SHANK2: variants seen among roughly 807,000 people sequenced by gnomAD.
SHANK2 encodes the protein SH3 and multiple ankyrin repeat domains 2.
Under a neutral mutation model 133.7 loss-of-function variants are expected in SHANK2, and 43 were observed. That is an observed-to-expected ratio of 0.32 (90% confidence interval 0.25 to 0.41). The LOEUF (loss-of-function observed/expected upper bound fraction) is 0.41, where lower values mean the gene tolerates loss of function less well. Among genes scored for constraint, SHANK2 ranks in the 10% least tolerant of loss-of-function variants. The pLI is 1.00. For missense variants in SHANK2, 1,994 were observed against 2,235.8 expected, an observed-to-expected ratio of 0.89 and a Z score of 2.18; for synonymous variants, 1,017 against 952.8, an observed-to-expected ratio of 1.07 and a Z score of -1.24.
At chr11:70,526,336 C>CCT in intron 17 of SHANK2, among the ~76,000 whole-genome samples, 1 of 152,334 alleles carries the variant, frequency 6.6e-6, no homozygotes, top group East Asian at 1.9e-4. Flanking sequence ...AGACTGATTT[C>CCT]AGTGACTTTC....
chr11:71,098,150 T>C (rs1951657231), intron 6 of SHANK2, among the ~76,000 whole-genome samples: 1 of 150,422 alleles, frequency 6.6e-6, no homozygotes. Flanking sequence ...TGTGCATGCA[T>C]GCCTGTGTGC....
chr11:70,585,794 T>C (rs765888661), intron 17 of SHANK2, among the ~76,000 whole-genome samples: 2 of 144,420 alleles, frequency 1.4e-5, no homozygotes, highest in Non-Finnish European at 3.0e-5. Flanking sequence ...ATCCATCCAC[T>C]TAACTACCCA....
intron 2 of SHANK2, among the ~76,000 whole-genome samples, chr11:71,202,622 G>A (rs534624291): frequency 7.2e-5 from 11 of 152,286 alleles, no homozygotes; most frequent in South Asian, 2.1e-4. Context: ...ATGACCCACC[G>A]GGAAAGCAGC....
chr11:71,246,251 C>CGGGAG (rs1555124962), intron 1 of SHANK2, among the ~76,000 whole-genome samples: 1 of 152,112 alleles, frequency 6.6e-6, no homozygotes, highest in East Asian at 1.9e-4. Flanking sequence ...AGGACCCACC[C>CGGGAG]CAGTGGACCA....
intron 13 of SHANK2, among the ~76,000 whole-genome samples, chr11:70,802,949 T>C (rs1555050858): frequency 6.6e-6 from 1 of 152,156 alleles, no homozygotes; most frequent in Admixed American, 6.5e-5. Flanking sequence ...ACCCCTAAAA[T>C]GACCACGCTC....
chr11:71,086,026 A>G (rs1157248763), intron 8 of SHANK2, among the ~76,000 whole-genome samples: 1 of 86,178 alleles, frequency 1.2e-5, no homozygotes, highest in Non-Finnish European at 2.0e-5. Flanking sequence ...AACATATTAT[A>G]TGTTATATAT....
intron 17 of SHANK2, among the ~76,000 whole-genome samples, chr11:70,621,983 T>A (rs1181337861): frequency 6.6e-6 from 1 of 152,044 alleles, no homozygotes. Context: ...CCCGGCTCTG[T>A]CCACACGGTG....
At chr11:71,152,720 G>A (rs1952821642) in intron 2 of SHANK2, among the ~76,000 whole-genome samples, 1 of 152,168 alleles carries the variant, frequency 6.6e-6, no homozygotes, top group African/African-American at 2.4e-5. Context: ...GGTGAGCAGA[G>A]AGGAGGAGAA....
intron 21 of SHANK2, among the ~76,000 whole-genome samples, chr11:70,497,542 G>A (rs1565539118): frequency 6.6e-6 from 1 of 152,210 alleles, no homozygotes; most frequent in Non-Finnish European, 1.5e-5. Context: ...CTGAGCAAAC[G>A]TGTGTTCTCT....
At chr11:70,476,375 G>A (rs2058663948) in intron 25 of SHANK2, among the ~76,000 whole-genome samples, 1 of 148,338 alleles carries the variant, frequency 6.7e-6, no homozygotes, top group Non-Finnish European at 1.5e-5. Flanking sequence ...ATGGACATAG[G>A]ATACACGAAA....
chr11:70,753,201 A>G (rs553287277), intron 14 of SHANK2, among the ~76,000 whole-genome samples: 1 of 152,182 alleles, frequency 6.6e-6, no homozygotes, highest in African/African-American at 2.4e-5. Flanking sequence ...AAACAAACAA[A>G]AAAAAACAAA....
intron 10 of SHANK2, among the ~76,000 whole-genome samples, chr11:70,947,470 A>C (rs1950764964): frequency 6.7e-6 from 1 of 149,446 alleles, no homozygotes; most frequent in South Asian, 2.1e-4. Context: ...CTTCTGCCTC[A>C]GCCTCCCGAG....
At chr11:71,099,149 A>G (rs1951676333) in intron 6 of SHANK2, among the ~76,000 whole-genome samples, 1 of 152,128 alleles carries the variant, frequency 6.6e-6, no homozygotes, top group South Asian at 2.1e-4. Context: ...CCAGGTCATC[A>G]CCAACAGGGA....
At chr11:70,952,474 A>C (rs1950858742) in intron 10 of SHANK2, among the ~76,000 whole-genome samples, 1 of 152,216 alleles carries the variant, frequency 6.6e-6, no homozygotes, top group Admixed American at 6.5e-5. Context: ...CAAGCTGTCT[A>C]GCTACTTGGC....
chr11:71,082,659 TC>T (rs1288865503), intron 8 of SHANK2, among the ~76,000 whole-genome samples: 1 of 152,102 alleles, frequency 6.6e-6, no homozygotes, highest in African/African-American at 2.4e-5. Flanking sequence ...CAGGGGCCTG[TC>T]CCCTCGCCGT....
intron 12 of SHANK2, among the ~76,000 whole-genome samples, chr11:70,816,578 C>G (rs562924692): frequency 3.3e-5 from 5 of 152,330 alleles, no homozygotes; most frequent in African/African-American, 9.6e-5. Flanking sequence ...GCCCGTTGCC[C>G]TAGGAAAGAG....
intron 14 of SHANK2, among the ~76,000 whole-genome samples, chr11:70,730,057 C>T (rs1173668720): frequency 6.6e-6 from 1 of 152,058 alleles, no homozygotes; most frequent in Admixed American, 6.6e-5. Flanking sequence ...GCAGATGTGT[C>T]GGGCCTGGAT....
chr11:71,237,071 G>A (rs1954834195), intron 1 of SHANK2, among the ~76,000 whole-genome samples: 1 of 152,190 alleles, frequency 6.6e-6, no homozygotes, highest in African/African-American at 2.4e-5. Context: ...CCCTGGAAAT[G>A]GTCACCGTTC....
intron 10 of SHANK2, among the ~76,000 whole-genome samples, chr11:70,922,541 CA>C (rs1950366388): frequency 6.6e-6 from 1 of 151,978 alleles, no homozygotes; most frequent in African/African-American, 2.4e-5. Context: ...AGCAGTCTTT[CA>C]AAAGAAACTA....
Sources: allele counts gnomAD v4.1 joint callset (sites outside exome capture counted in the v4.1 genomes callset), GRCh38; gene constraint gnomAD v4.1.1; transcripts MANE v1.5; gene names NCBI Gene and HGNC (gene_info 2026-07-23, HGNC 2026-07-21).